Variants in IPMK observed in about 807,000 individuals in gnomAD.
IPMK encodes the protein inositol 1,3,4,6-tetrakisphosphate 5-kinase.
In IPMK, 17 loss-of-function variants were observed where a neutral mutation model predicts 45.8. The ratio of observed to expected loss-of-function variants is 0.37; its 90% CI spans 0.25 to 0.56. The LOEUF (loss-of-function observed/expected upper bound fraction) is 0.56, where lower values mean the gene tolerates loss of function less well. Ranked by LOEUF, IPMK falls within the 20% of genes least tolerant of loss-of-function variation. The pLI, the probability that IPMK is intolerant of heterozygous loss-of-function variation, is 0.79. For synonymous variants in IPMK, 180 were observed against 184.3 expected, an observed-to-expected ratio of 0.98 and a Z score of 0.19; for missense variants, 399 against 498.0, an observed-to-expected ratio of 0.80 and a Z score of 1.89.
rs569499701 is a variant in IPMK, at chr10:58,206,265, A to G, written c.547-6944T>C. Among the ~76,000 whole-genome samples, 6 of 152,348 alleles carry G rather than the reference A, an allele frequency of 3.9e-5. No individual in the cohort carries two copies. In the South Asian group the frequency reaches 1.2e-3, roughly 32 times the overall value. ...CCAGAAGGGGCAAATCCATAGAGAT[A>G]GAAAATAGATTAGTGGTTCCCTAGG... is the stretch of plus-strand genomic sequence containing the variant. On this transcript the variant is annotated intron_variant, in intron 4 of 5. Transcript: ENST00000373935.
intron 1 of IPMK, among the ~76,000 whole-genome samples, chr10:58,239,829 G>A (rs945740694): frequency 5.3e-5 from 8 of 152,180 alleles, no homozygotes; most frequent in African/African-American, 1.4e-4. Context: ...TTGGAATGCT[G>A]AGCCAATAAC....
chr10:58,207,245 C>T lies in IPMK; in HGVS notation c.547-7924G>A, dbSNP rs564344667. On this transcript the variant is annotated intron_variant, in intron 4 of 5. Transcript: ENST00000373935. ...GTCTCGATCTCCTGACCTTGTGATCCGCCTGCCTCGGCCTCCCGAAGTGCT... is the reference window on the plus strand; with the variant it reads ...GTCTCGATCTCCTGACCTTGTGATCTGCCTGCCTCGGCCTCCCGAAGTGCT... 6.6e-5 allele frequency among the ~76,000 whole-genome samples: 10 copies of T among 152,316 alleles called. No individual in the cohort carries two copies. The East Asian group carries it at 7.7e-4, about 12-fold the overall frequency.
At chr10:58,211,818 G>A (rs1403099772) in intron 4 of IPMK, among the ~76,000 whole-genome samples, 1 of 9,696 alleles carries the variant, frequency 1.0e-4, no homozygotes, top group Non-Finnish European at 2.5e-4. Flanking sequence ...AAGAGGCTGA[G>A]GCAGGAGGAT....
In IPMK at chr10:58,237,237, T is replaced by C. The variant is rs553310152; in HGVS notation, c.276+492A>G. 2.6e-5 allele frequency among the ~76,000 whole-genome samples: 4 copies of C among 152,030 alleles called. No homozygotes were observed. The South Asian group carries it at 8.3e-4, about 32-fold the overall frequency. The stretch of plus-strand genomic sequence containing the variant: ...AAGAGACTGGAGGGTATGAGAAGAG[T>C]TGAGATCAGTTATTTACTTTTCTAG... On this transcript the variant is annotated intron_variant, in intron 2 of 5. Transcript: ENST00000373935.
rs1837885054 is a variant in IPMK, at chr10:58,195,904, TTAG to T, written c.*169_*171del. The stretch of plus-strand genomic sequence containing the variant: ...TCATAGTTTTCTAATGAACAAATAG[TTAG>T]TTTTCCTGAGTAAGATTATAAAAAA... On this transcript the variant is annotated 3_prime_UTR_variant, in exon 6 of 6. Transcript: ENST00000373935. 3.2e-6 allele frequency: 2 copies of T among 616,390 alleles called. No homozygotes were observed. The highest frequency in any genetic ancestry group is 3.3e-5 in the Admixed American group (1 of 29,882). 38.2% of individuals were successfully genotyped at this position (616,390 alleles called of 1,614,324 possible).
chr10:58,196,490 GGA>G lies in IPMK; in HGVS notation c.835_836del (p.Ser279GlnfsTer14). On this transcript the variant is annotated frameshift_variant, in exon 6 of 6. Transcript: ENST00000373935. LOFTEE classifies it high-confidence loss of function. ...CTTCTGTGTCTGACAGTTGTCCTTT[GGA>G]CAAAAACTTTTCTGCCAAAGTTCTG... ...NDRTLAEKFL[S>X]KGQLSDTEVL... 1 of 1,613,882 alleles carries G rather than the reference GGA, an allele frequency of 6.2e-7. No individual in the cohort carries two copies. Among genetic ancestry groups the G allele is most frequent in the Non-Finnish European group, 8.5e-7 (1 of 1,179,952 alleles).
At chr10:58,240,407 A>T (rs887165214) in intron 1 of IPMK, among the ~76,000 whole-genome samples, 8 of 152,012 alleles carry the variant, frequency 5.3e-5, no homozygotes, top group Non-Finnish European at 1.2e-4. Context: ...TTAGAAACCC[A>T]TAAGGTAATA....
At chr10:58,238,558 G>C (rs1838649408) in intron 1 of IPMK, among the ~76,000 whole-genome samples, 1 of 152,174 alleles carries the variant, frequency 6.6e-6, no homozygotes, top group Non-Finnish European at 1.5e-5. Flanking sequence ...AATCATGCTA[G>C]CTAGAATATG....
intron 1 of IPMK, among the ~76,000 whole-genome samples, chr10:58,249,618 AT>A (rs1838854029): frequency 6.6e-6 from 1 of 152,090 alleles, no homozygotes; most frequent in African/African-American, 2.4e-5. Flanking sequence ...TCTCACAAGG[AT>A]AGTCTACAGA....
At chr10:58,212,847 G>T in intron 4 of IPMK, 1 of 230,060 alleles carries the variant, frequency 4.3e-6, no homozygotes, top group East Asian at 1.1e-4. Flanking sequence ...CTGTGGTTTT[G>T]GTACCTTTGC....
At chr10:58,253,593 C>T (rs1838917176) in intron 1 of IPMK, among the ~76,000 whole-genome samples, 1 of 151,860 alleles carries the variant, frequency 6.6e-6, no homozygotes. Context: ...AAAAAATTAG[C>T]TGGGCATGGT....
intron 1 of IPMK, among the ~76,000 whole-genome samples, chr10:58,246,219 C>T (rs1205634304): frequency 1.3e-5 from 2 of 148,776 alleles, no homozygotes; most frequent in Non-Finnish European, 3.0e-5. Context: ...GTGAAAATGG[C>T]CATACTGCCC....
chr10:58,267,365 A>C, intron 1 of IPMK, 57 bp downstream of exon 1: 1 of 1,575,118 alleles, frequency 6.3e-7, no homozygotes, highest in South Asian at 1.1e-5. Flanking sequence ...GCCTCCGCTG[A>C]CAGGGGGCTC....
At chr10:58,217,534 C>A (rs184699951) in intron 3 of IPMK, among the ~76,000 whole-genome samples, 26 of 151,270 alleles carry the variant, frequency 1.7e-4, no homozygotes, top group Admixed American at 1.6e-3. Flanking sequence ...ACTAATAATA[C>A]AAAATTAGCC....
At chr10:58,205,882 A>C (rs1838062407) in intron 4 of IPMK, among the ~76,000 whole-genome samples, 1 of 152,228 alleles carries the variant, frequency 6.6e-6, no homozygotes. Context: ...GTCACTTTGG[A>C]AAAACACTTT....
At chr10:58,210,771 TC>T (rs1266143454) in intron 4 of IPMK, among the ~76,000 whole-genome samples, 1 of 152,176 alleles carries the variant, frequency 6.6e-6, no homozygotes, top group Non-Finnish European at 1.5e-5. Flanking sequence ...AGGCAGGTCT[TC>T]CCCCCTCACA....
chr10:58,259,067 T>C (rs1246733575), intron 1 of IPMK, among the ~76,000 whole-genome samples: 1 of 152,202 alleles, frequency 6.6e-6, no homozygotes, highest in African/African-American at 2.4e-5. Flanking sequence ...ATTTAAATTA[T>C]AGGTATGGGG....
intron 1 of IPMK, among the ~76,000 whole-genome samples, chr10:58,248,089 T>A (rs1321607827): frequency 6.6e-6 from 1 of 152,032 alleles, no homozygotes; most frequent in Non-Finnish European, 1.5e-5. Context: ...CGGGGAAAAG[T>A]GCAAAGAATA....
intron 1 of IPMK, among the ~76,000 whole-genome samples, chr10:58,248,772 T>C (rs771239729): frequency 1.5e-4 from 23 of 152,226 alleles, no homozygotes; most frequent in South Asian, 6.2e-4. Context: ...AGCTCCCTCA[T>C]CTGAATGAGG....
Sources: gnomAD v4.1 joint callset for allele counts (sites outside exome capture counted in the v4.1 genomes callset) on GRCh38, gnomAD v4.1.1 for gene constraint, MANE v1.5 for transcripts, NCBI Gene and HGNC (gene_info 2026-07-23, HGNC 2026-07-21) for gene names.